Variants in IL1RAPL2 observed in about 807,000 individuals in gnomAD.
IL1RAPL2 encodes X-linked interleukin-1 receptor accessory protein-like 2.
In IL1RAPL2, 3 loss-of-function variants were observed where a neutral mutation model predicts 44.1. The observed-to-expected ratio is 0.07, with a 90% CI of 0.03 to 0.18. IL1RAPL2 has a LOEUF of 0.18. Among genes scored for constraint, IL1RAPL2 ranks in the 10% least tolerant of loss-of-function variants. The probability of loss-of-function intolerance (pLI) is 1.00; values close to 1 mark genes in which losing one functional copy is unlikely to be tolerated. For missense variants in IL1RAPL2, 391 were observed against 496.4 expected (o/e 0.79, Z 2.02); for synonymous variants, 181 against 178.8 (o/e 1.01, Z -0.10).
At chrX:104,738,149 A>G (rs1932047738) in intron 2 of IL1RAPL2, among the ~76,000 whole-genome samples, 1 of 112,395 alleles carries the variant, frequency 8.9e-6, no homozygotes, top group African/African-American at 3.2e-5. Context: ...CAGCTATACC[A>G]TATTCACACA....
intron 2 of IL1RAPL2, among the ~76,000 whole-genome samples, chrX:104,794,249 G>A (rs761514063): frequency 8.9e-6 from 1 of 111,808 alleles, no homozygotes; most frequent in Non-Finnish European, 1.9e-5. Flanking sequence ...AGAGAATAAC[G>A]CACTATGATA....
intron 9 of IL1RAPL2, among the ~76,000 whole-genome samples, chrX:105,751,413 C>T (rs771244865): frequency 1.3e-4 from 14 of 111,642 alleles, no homozygotes; most frequent in Non-Finnish European, 2.6e-4. Flanking sequence ...TAATTAATTA[C>T]CTTCATCACT....
At chrX:105,687,617 G>A (rs1439236768) in intron 6 of IL1RAPL2, among the ~76,000 whole-genome samples, 3 of 111,179 alleles carry the variant, frequency 2.7e-5, no homozygotes, top group Non-Finnish European at 5.7e-5. Flanking sequence ...AGGACCAGAC[G>A]GATTCACAGC....
chrX:105,592,947 T>A (rs2037183407), intron 6 of IL1RAPL2, among the ~76,000 whole-genome samples: 1 of 111,858 alleles, frequency 8.9e-6, no homozygotes. Flanking sequence ...AAGGATTCTC[T>A]GCATTTCTTG....
At chrX:105,398,739 GA>G (rs1370668635) in intron 5 of IL1RAPL2, among the ~76,000 whole-genome samples, 1 of 111,067 alleles carries the variant, frequency 9.0e-6, no homozygotes, top group Non-Finnish European at 1.9e-5. Flanking sequence ...TTAAATATAA[GA>G]AAAAAATGCT....
intron 2 of IL1RAPL2, among the ~76,000 whole-genome samples, chrX:104,701,763 A>G (rs1931277259): frequency 8.9e-6 from 1 of 111,745 alleles, no homozygotes; most frequent in African/African-American, 3.3e-5. Flanking sequence ...TGATTTTCTT[A>G]GTACAGGTTA....
At chrX:105,493,266 T>C (rs2036334074) in intron 6 of IL1RAPL2, among the ~76,000 whole-genome samples, 1 of 111,804 alleles carries the variant, frequency 8.9e-6, no homozygotes, top group Admixed American at 9.5e-5. Flanking sequence ...TGTTTCCATT[T>C]CTCTTGTGTA....
intron 5 of IL1RAPL2, among the ~76,000 whole-genome samples, chrX:105,340,560 C>T (rs2035062713): frequency 8.9e-6 from 1 of 112,169 alleles, no homozygotes; most frequent in African/African-American, 3.2e-5. Context: ...ACTTCAGCCA[C>T]ATTGGCCACC....
At chrX:104,928,119 G>C (rs1924815273) in intron 2 of IL1RAPL2, among the ~76,000 whole-genome samples, 1 of 111,657 alleles carries the variant, frequency 9.0e-6, no homozygotes, top group South Asian at 3.8e-4. Flanking sequence ...GGAGAATGGG[G>C]TATCCATCCC....
intron 2 of IL1RAPL2, among the ~76,000 whole-genome samples, chrX:104,748,276 A>G (rs1336030355): frequency 8.9e-6 from 1 of 112,175 alleles, no homozygotes; most frequent in Non-Finnish European, 1.9e-5. Context: ...GAAATAAGAT[A>G]TGAAAAACAT....
At chrX:104,822,791 C>G (rs765255350) in intron 2 of IL1RAPL2, among the ~76,000 whole-genome samples, 6 of 111,043 alleles carry the variant, frequency 5.4e-5, no homozygotes, top group Non-Finnish European at 9.4e-5. Context: ...AAATTTTGTG[C>G]AGAAAGTCAG....
At chrX:105,380,660 A>C (rs772165939) in intron 5 of IL1RAPL2, among the ~76,000 whole-genome samples, 1 of 111,995 alleles carries the variant, frequency 8.9e-6, no homozygotes, top group African/African-American at 3.2e-5. Context: ...GTCCAAAAAA[A>C]CATTTTCTCA....
At chrX:105,025,677 C>G (rs1360428479) in intron 2 of IL1RAPL2, among the ~76,000 whole-genome samples, 12 of 111,129 alleles carry the variant, frequency 1.1e-4, no homozygotes, top group Admixed American at 9.6e-4. Flanking sequence ...CATTGAAAAA[C>G]TGTGTTCATA....
chrX:105,456,245 A>G (rs1260621869), intron 5 of IL1RAPL2, among the ~76,000 whole-genome samples: 1 of 112,135 alleles, frequency 8.9e-6, no homozygotes, highest in Non-Finnish European at 1.9e-5. Context: ...TTTTCTACAT[A>G]TAAGACCATG....
intron 2 of IL1RAPL2, among the ~76,000 whole-genome samples, chrX:104,720,194 A>G (rs1229549205): frequency 9.0e-6 from 1 of 111,493 alleles, no homozygotes; most frequent in East Asian, 2.9e-4. Flanking sequence ...AGATAAAATT[A>G]CCATAGGCAT....
At chrX:105,355,073 C>G (rs2035191366) in intron 5 of IL1RAPL2, among the ~76,000 whole-genome samples, 2 of 111,788 alleles carry the variant, frequency 1.8e-5, no homozygotes, top group African/African-American at 6.5e-5. Context: ...TGAACTGCTA[C>G]ACAGATCACC....
intron 2 of IL1RAPL2, among the ~76,000 whole-genome samples, chrX:105,112,537 G>A (rs1481571296): frequency 8.9e-6 from 1 of 112,348 alleles, no homozygotes; most frequent in Non-Finnish European, 1.9e-5. Flanking sequence ...CTCACATAAA[G>A]GTATTATATA....
At chrX:105,394,495 T>C (rs759011946) in intron 5 of IL1RAPL2, among the ~76,000 whole-genome samples, 10 of 111,493 alleles carry the variant, frequency 9.0e-5, no homozygotes, top group Admixed American at 1.9e-4. Context: ...GCCCTCATTA[T>C]CTCTTACTTG....
chrX:104,574,246 T>TG (rs1928202918), intron 1 of IL1RAPL2, among the ~76,000 whole-genome samples: 1 of 111,415 alleles, frequency 9.0e-6, no homozygotes, highest in Non-Finnish European at 1.9e-5. Context: ...TGGGTAGTTA[T>TG]TCTTAACATA....
Sources: allele counts gnomAD v4.1 joint callset (sites outside exome capture counted in the v4.1 genomes callset), GRCh38; gene constraint gnomAD v4.1.1; transcripts MANE v1.5; gene names NCBI Gene and HGNC (gene_info 2026-07-23, HGNC 2026-07-21).